Variants in OSBPL9 observed in about 807,000 individuals in gnomAD.
OSBPL9 encodes the protein oxysterol-binding protein-related protein 9.
Under a neutral mutation model 106.6 loss-of-function variants are expected in OSBPL9, and 40 were observed. The ratio of observed to expected loss-of-function variants is 0.38; its 90% CI spans 0.29 to 0.49. The LOEUF is 0.49. Among genes scored for constraint, OSBPL9 ranks in the 20% least tolerant of loss-of-function variants. The pLI, the probability that OSBPL9 is intolerant of heterozygous loss-of-function variation, is 0.97. For missense variants in OSBPL9, 609 were observed against 887.2 expected (o/e 0.69, Z 3.98); for synonymous variants, 269 against 295.4 (o/e 0.91, Z 0.92).
intron 3 of OSBPL9, among the ~76,000 whole-genome samples, chr1:51,688,196 TG>T (rs1381188198): frequency 6.6e-6 from 1 of 152,192 alleles, no homozygotes; most frequent in African/African-American, 2.4e-5. Context: ...ATTTTAGCAA[TG>T]TGGACAGGTT....
intron 1 of OSBPL9, among the ~76,000 whole-genome samples, chr1:51,591,031 G>C (rs963273371): frequency 6.6e-6 from 1 of 150,614 alleles, no homozygotes; most frequent in African/African-American, 2.4e-5. Context: ...CCATTCTCCT[G>C]CCTCAGCCTC....
chr1:51,765,902 T>C lies in OSBPL9; in HGVS notation c.859T>C (p.Ser287Pro). 1 of 1,614,134 alleles carries C rather than the reference T, an allele frequency of 6.2e-7. No homozygotes were observed. Reference sequence around the variant, plus strand: ...GTCTCCAAATACAGTCCCAGAGTTCTCTTACTCCAGCAGTGAAGATGAATT... The same window carrying C: ...GTCTCCAAATACAGTCCCAGAGTTCCCTTACTCCAGCAGTGAAGATGAATT... ...NLSPNTVPEFSYSSSEDEFYD... is the reference protein window; with the variant it reads ...NLSPNTVPEFPYSSSEDEFYD... Residue 287 changes from serine to proline, a missense_variant, in exon 12 of 24, where the codon TCT (serine) becomes CCT (proline). By Grantham distance (74) the Ser-to-Pro change is moderately conservative (BLOSUM62 -1). Around this residue, in one of 5 missense-constraint regions of OSBPL9, gnomAD observed 356 missense variants for 505.8 expected, o/e 0.70. Transcript: ENST00000428468.
intron 4 of OSBPL9, among the ~76,000 whole-genome samples, chr1:51,736,752 C>T (rs1340916484): frequency 6.6e-6 from 1 of 152,134 alleles, no homozygotes; most frequent in Non-Finnish European, 1.5e-5. Flanking sequence ...CCAAAATGCT[C>T]TTAATCTGAG....
At chr1:51,726,345 T>A (rs1201022584) in intron 4 of OSBPL9, among the ~76,000 whole-genome samples, 21 of 152,232 alleles carry the variant, frequency 1.4e-4, no homozygotes, top group African/African-American at 4.8e-4. Context: ...ACAGTGGTAC[T>A]TCTAAGTTTC....
At chr1:51,777,634 A>AG in intron 15 of OSBPL9, among the ~76,000 whole-genome samples, 1 of 149,990 alleles carries the variant, frequency 6.7e-6, no homozygotes, top group South Asian at 2.1e-4. Context: ...ATAAATATAT[A>AG]TTTTTTTTTT....
chr1:51,700,610 A>G (rs752244285), intron 3 of OSBPL9, among the ~76,000 whole-genome samples: 3 of 152,222 alleles, frequency 2.0e-5, no homozygotes, highest in Non-Finnish European at 2.9e-5. Context: ...CAAGAATACC[A>G]CAAACATGAT....
intron 3 of OSBPL9, among the ~76,000 whole-genome samples, chr1:51,699,938 C>T (rs1656877794): frequency 6.6e-6 from 1 of 152,180 alleles, no homozygotes; most frequent in Admixed American, 6.5e-5. Context: ...ATGATGAGGT[C>T]ATGCTGATAC....
chr1:51,558,412 C>T, the OSBPL9 span, among the ~76,000 whole-genome samples: 1 of 152,170 alleles, frequency 6.6e-6, no homozygotes, highest in Admixed American at 6.5e-5. Context: ...CCAGAGGCCA[C>T]CTCCCCAATT....
intron 1 of OSBPL9, among the ~76,000 whole-genome samples, chr1:51,617,980 T>C (rs1480299523): frequency 1.3e-5 from 2 of 149,578 alleles, no homozygotes; most frequent in African/African-American, 5.0e-5. Context: ...GATGAATTGC[T>C]GTGAATCTTA....
At chr1:51,701,236 G>A (rs1401085044) in intron 3 of OSBPL9, among the ~76,000 whole-genome samples, 9 of 152,110 alleles carry the variant, frequency 5.9e-5, no homozygotes, top group African/African-American at 1.2e-4. Flanking sequence ...CACCGCGCCC[G>A]GCCCATTGTA....
At chr1:51,781,375 A>G (rs369525880) in intron 16 of OSBPL9, 40 bp downstream of exon 16, 1 of 1,569,706 alleles carries the variant, frequency 6.4e-7, no homozygotes, top group Non-Finnish European at 8.7e-7. Flanking sequence ...TCTTAATTGT[A>G]TACTGATTCA....
chr1:51,540,764 G>T, the OSBPL9 span, among the ~76,000 whole-genome samples: 2 of 151,854 alleles, frequency 1.3e-5, no homozygotes, highest in African/African-American at 2.4e-5. Context: ...TTCCAGACCA[G>T]CCTGGCCAAC....
intron 2 of OSBPL9, among the ~76,000 whole-genome samples, chr1:51,657,478 G>A (rs985179159): frequency 1.3e-5 from 2 of 152,174 alleles, no homozygotes; most frequent in Non-Finnish European, 2.9e-5. Context: ...CATAGGAATG[G>A]TGAATCTGAG....
the OSBPL9 span, among the ~76,000 whole-genome samples, chr1:51,571,237 T>C: frequency 6.6e-6 from 1 of 152,208 alleles, no homozygotes; most frequent in East Asian, 1.9e-4. Context: ...GAAGAAAGAC[T>C]CAATAAGTAT....
At chr1:51,727,807 G>T (rs1213451158) in intron 4 of OSBPL9, among the ~76,000 whole-genome samples, 1 of 152,004 alleles carries the variant, frequency 6.6e-6, no homozygotes, top group African/African-American at 2.4e-5. Context: ...AGTTCAGCAT[G>T]GGCAACATGA....
chr1:51,751,891 G>A (rs1571541091), intron 8 of OSBPL9, among the ~76,000 whole-genome samples: 3 of 152,146 alleles, frequency 2.0e-5, no homozygotes, highest in Admixed American at 6.5e-5. Flanking sequence ...ATAAAACTAC[G>A]TTTTAGGGTT....
intron 4 of OSBPL9, among the ~76,000 whole-genome samples, chr1:51,733,771 T>G (rs1350715773): frequency 2.0e-5 from 3 of 150,724 alleles, no homozygotes; most frequent in Non-Finnish European, 4.4e-5. Context: ...CGAGACTCTG[T>G]CTCAAAAACA....
At chr1:51,656,392 C>A (rs1646814361) in intron 2 of OSBPL9, among the ~76,000 whole-genome samples, 1 of 152,150 alleles carries the variant, frequency 6.6e-6, no homozygotes, top group African/African-American at 2.4e-5. Context: ...CTTGCCCCAT[C>A]CATCCCATCC....
intron 11 of OSBPL9, among the ~76,000 whole-genome samples, chr1:51,763,862 A>T (rs192537475): frequency 1.6e-4 from 25 of 152,288 alleles, no homozygotes; most frequent in Admixed American, 1.3e-3. Context: ...GAATTTTGAA[A>T]CAACCAAAAT....
Sources: gnomAD v4.1 joint callset for allele counts (sites outside exome capture counted in the v4.1 genomes callset) on GRCh38, gnomAD v4.1.1 for gene constraint, gnomAD v4.1.1 regional missense constraint, MANE v1.5 for transcripts, NCBI Gene and HGNC (gene_info 2026-07-23, HGNC 2026-07-21) for gene names.